Variants in TRPM3 observed in about 807,000 individuals in gnomAD.
TRPM3 encodes long transient receptor potential channel 3.
TRPM3 carries 77 observed loss-of-function variants against 181.2 expected under a neutral mutation model. The observed-to-expected ratio is 0.42, with a 90% CI of 0.35 to 0.51. The LOEUF (loss-of-function observed/expected upper bound fraction) is 0.51, where lower values mean the gene tolerates loss of function less well. Among genes scored for constraint, TRPM3 ranks in the 20% least tolerant of loss-of-function variants. The pLI is 0.01. For missense variants in TRPM3, 1,759 were observed against 2,196.7 expected (o/e 0.80, Z 3.98); for synonymous variants, 745 against 796.4 (o/e 0.94, Z 1.09).
intron 9 of TRPM3, among the ~76,000 whole-genome samples, chr9:70,656,538 G>A (rs1469905846): frequency 4.7e-5 from 6 of 127,588 alleles, no homozygotes; most frequent in African/African-American, 1.9e-4. Flanking sequence ...GCCAGATGGA[G>A]TCAGTTAATC....
At chr9:71,219,107 C>G (rs1289551388) in intron 1 of TRPM3, among the ~76,000 whole-genome samples, 2 of 151,876 alleles carry the variant, frequency 1.3e-5, no homozygotes, top group African/African-American at 2.4e-5. Context: ...TCAAAATTTT[C>G]TAGTGAGAAA....
At chr9:71,225,339 G>GA (rs113700514) in intron 1 of TRPM3, among the ~76,000 whole-genome samples, 3 of 148,420 alleles carry the variant, frequency 2.0e-5, no homozygotes, top group Admixed American at 1.3e-4. Flanking sequence ...AAGTGGTGAA[G>GA]AAAAAAAAAG....
At chr9:70,944,974 A>C (rs916228395) in intron 1 of TRPM3, among the ~76,000 whole-genome samples, 1 of 152,180 alleles carries the variant, frequency 6.6e-6, no homozygotes, top group Admixed American at 6.5e-5. Flanking sequence ...TTTTACATTA[A>C]GTATAAGGCT....
chr9:70,558,648 G>C (rs777755745), intron 22 of TRPM3, among the ~76,000 whole-genome samples: 14 of 152,178 alleles, frequency 9.2e-5, no homozygotes, highest in Non-Finnish European at 2.1e-4. Flanking sequence ...TATCAAACCT[G>C]TAGGATTAAT....
intron 18 of TRPM3, among the ~76,000 whole-genome samples, chr9:70,614,315 T>TAAAA (rs11324706): frequency 7.9e-6 from 1 of 126,638 alleles, no homozygotes. Flanking sequence ...GGCAATCTCT[T>TAAAA]AAAAAAAAAA....
intron 1 of TRPM3, among the ~76,000 whole-genome samples, chr9:70,912,473 G>T (rs527686092): frequency 1.7e-4 from 26 of 152,322 alleles, no homozygotes; most frequent in African/African-American, 6.0e-4. Flanking sequence ...TTAAAGTGAG[G>T]TAAGCATAAC....
chr9:71,231,009 C>T (rs1316127014), intron 1 of TRPM3, among the ~76,000 whole-genome samples: 2 of 152,094 alleles, frequency 1.3e-5, no homozygotes, highest in African/African-American at 4.8e-5. Context: ...CCAGTTTTTC[C>T]TAGCTAAATA....
chr9:71,102,570 A>G (rs1295106289), intron 1 of TRPM3, among the ~76,000 whole-genome samples: 1 of 152,148 alleles, frequency 6.6e-6, no homozygotes, highest in Non-Finnish European at 1.5e-5. Flanking sequence ...CTGCTTCTGC[A>G]CATACTCTTT....
At chr9:70,638,015 CAATAAT>C (rs2057490753) in intron 11 of TRPM3, among the ~76,000 whole-genome samples, 1 of 151,960 alleles carries the variant, frequency 6.6e-6, no homozygotes, top group African/African-American at 2.4e-5. Context: ...ATAATAATCA[CAATAAT>C]AATAATAGAA....
Position 70,998,250 on chromosome 9 carries a change from C to CACAT in TRPM3, c.177+122927_177+122928insATGT, listed in dbSNP as rs1319999787. Among the ~76,000 whole-genome samples the CACAT allele has an allele frequency of 2.5e-4, 32 of 129,398 alleles. No individual in the cohort carries two copies. In the East Asian group the frequency reaches 3.0e-3, roughly 12 times the overall value. The allele number at this position is 129,398 out of a possible 152,430, so 84.9% of individuals were successfully genotyped here. On this transcript the variant is annotated intron_variant, in intron 1 of 25. Coordinates refer to ENST00000677713, the MANE Select transcript of TRPM3 (RefSeq NM_001366145.2). ...ATATACACACACACACACACACACACATATATATATATATATTTTTTTTAG... is the reference window on the plus strand; with the variant it reads ...ATATACACACACACACACACACACACACATATATATATATATATATTTTTTTTAG...
At chr9:70,636,692 C>CAT (rs1554794385) in intron 11 of TRPM3, among the ~76,000 whole-genome samples, 3 of 135,156 alleles carry the variant, frequency 2.2e-5, no homozygotes, top group East Asian at 2.1e-4. Context: ...ATAGTGATGG[C>CAT]TTTTTTTTTT....
At chr9:71,311,644 G>A (rs1184561456) in intron 1 of TRPM3, among the ~76,000 whole-genome samples, 42 of 151,852 alleles carry the variant, frequency 2.8e-4, no homozygotes, top group Non-Finnish European at 5.9e-5. Flanking sequence ...CAATGTAAGG[G>A]GTGAAACTAT....
At chr9:70,753,729 G>A (rs539833558) in intron 8 of TRPM3, among the ~76,000 whole-genome samples, 2 of 152,272 alleles carry the variant, frequency 1.3e-5, no homozygotes, top group Admixed American at 6.5e-5. Context: ...TGGTGGGAGG[G>A]GGGAGGTAGG....
At chr9:70,900,484 A>G (rs2096369292) in intron 1 of TRPM3, among the ~76,000 whole-genome samples, 1 of 152,240 alleles carries the variant, frequency 6.6e-6, no homozygotes. Flanking sequence ...CCAGAGCATT[A>G]TAGGAATAGA....
chr9:71,249,231 A>C (rs947984836), intron 1 of TRPM3, among the ~76,000 whole-genome samples: 6 of 152,214 alleles, frequency 3.9e-5, no homozygotes, highest in Non-Finnish European at 7.3e-5. Flanking sequence ...GTTAATGAGA[A>C]TATAACTAAA....
chr9:71,046,236 C>T (rs1028379190), intron 1 of TRPM3, among the ~76,000 whole-genome samples: 8 of 152,136 alleles, frequency 5.3e-5, no homozygotes, highest in Non-Finnish European at 1.0e-4. Flanking sequence ...CCACCAGACT[C>T]GGCCTCCCAA....
At chr9:71,417,535 C>T (rs1250506599) in intron 1 of TRPM3, among the ~76,000 whole-genome samples, 1 of 151,978 alleles carries the variant, frequency 6.6e-6, no homozygotes, top group Non-Finnish European at 1.5e-5. Flanking sequence ...CCAACAGCAA[C>T]TGAATGAGTA....
At chr9:70,989,357 C>T (rs1004718691) in intron 1 of TRPM3, among the ~76,000 whole-genome samples, 20 of 152,154 alleles carry the variant, frequency 1.3e-4, no homozygotes, top group Non-Finnish European at 5.9e-5. Flanking sequence ...AAATGTATGC[C>T]TCTTTCACTC....
chr9:70,744,874 T>C (rs2074863679), intron 8 of TRPM3, among the ~76,000 whole-genome samples: 1 of 152,120 alleles, frequency 6.6e-6, no homozygotes, highest in African/African-American at 2.4e-5. Flanking sequence ...TGAAAAAAGG[T>C]AGAAAGAGCC....
Sources: allele counts gnomAD v4.1 joint callset (sites outside exome capture counted in the v4.1 genomes callset), GRCh38; gene constraint gnomAD v4.1.1; transcripts MANE v1.5; gene names NCBI Gene and HGNC (gene_info 2026-07-23, HGNC 2026-07-21).